SEC61B: variants seen among roughly 807,000 people sequenced by gnomAD.
SEC61B encodes the protein protein transport protein Sec61 subunit beta.
Under a neutral mutation model 12.6 loss-of-function variants are expected in SEC61B, and 7 were observed. The ratio of observed to expected loss-of-function variants is 0.55; its 90% CI spans 0.32 to 1.04. The LOEUF (loss-of-function observed/expected upper bound fraction) is 1.04. SEC61B is among the 50% of genes least tolerant of loss of function. The pLI, the probability that SEC61B is intolerant of heterozygous loss-of-function variation, is 0.05. For synonymous variants in SEC61B, 54 were observed against 50.1 expected, an observed-to-expected ratio of 1.08 and a Z score of -0.33; for missense variants, 107 against 130.1, an observed-to-expected ratio of 0.82 and a Z score of 0.86.
chr9:99,223,625 C>G (rs1828863312), intron 2 of SEC61B, among the ~76,000 whole-genome samples: 1 of 151,298 alleles, frequency 6.6e-6, no homozygotes, highest in African/African-American at 2.4e-5. Context: ...GATCTCCTGA[C>G]CTTGTGATCC....
At chr9:99,229,420 G>A (rs1828934833) in intron 3 of SEC61B, among the ~76,000 whole-genome samples, 1 of 152,052 alleles carries the variant, frequency 6.6e-6, no homozygotes, top group East Asian at 1.9e-4. Context: ...GAATTCCTGG[G>A]CTCAAGTGAT....
At chr9:99,228,418 G>A (rs1001401332) in intron 3 of SEC61B, among the ~76,000 whole-genome samples, 8 of 152,196 alleles carry the variant, frequency 5.3e-5, no homozygotes, top group African/African-American at 1.7e-4. Context: ...CAACCTGATG[G>A]AGGTTTTCCC....
intron 2 of SEC61B, among the ~76,000 whole-genome samples, chr9:99,225,456 T>TA (rs1380896222): frequency 1.3e-5 from 2 of 151,904 alleles, no homozygotes; most frequent in Non-Finnish European, 2.9e-5. Flanking sequence ...AAGGAGTGGG[T>TA]AAGTATGAAG....
At chr9:99,228,474 G>A (rs941302711) in intron 3 of SEC61B, among the ~76,000 whole-genome samples, 5 of 152,206 alleles carry the variant, frequency 3.3e-5, no homozygotes, top group Admixed American at 1.3e-4. Flanking sequence ...TGCCTTTGGT[G>A]GGTGGTGAGT....
At chr9:99,227,848 A>G (rs375035572) in intron 2 of SEC61B, 51 bp from the exon 3 acceptor site, 76 of 1,290,018 alleles carry the variant, frequency 5.9e-5, no homozygotes, top group Non-Finnish European at 8.2e-5. Context: ...TTATAATGCT[A>G]TTCTAATAAT....
chr9:99,230,204 C>A (rs1828943547), intron 3 of SEC61B, 133 bp from the exon 4 acceptor site: 2 of 529,290 alleles, frequency 3.8e-6, no homozygotes, highest in Admixed American at 6.7e-5. Flanking sequence ...TAAAATGATA[C>A]AAATAATGTT....
intron 2 of SEC61B, among the ~76,000 whole-genome samples, chr9:99,225,349 T>C (rs576526781): frequency 5.9e-5 from 9 of 152,216 alleles, no homozygotes; most frequent in African/African-American, 2.2e-4. Context: ...TTGTTTTAGA[T>C]AGGGTGTTCA....
At chr9:99,227,825 A>G (rs1828916660) in intron 2 of SEC61B, 74 bp from the exon 3 acceptor site, 1 of 1,044,272 alleles carries the variant, frequency 9.6e-7, no homozygotes, top group African/African-American at 1.6e-5. Context: ...CTGTGTAATA[A>G]TGGTAGCATA....
At chr9:99,224,214 C>T (rs1214149364) in intron 2 of SEC61B, among the ~76,000 whole-genome samples, 1 of 152,180 alleles carries the variant, frequency 6.6e-6, no homozygotes, top group East Asian at 1.9e-4. Flanking sequence ...AAATATTTCA[C>T]ATCAGAACAA....
intron 2 of SEC61B, chr9:99,223,026 C>T (rs1828850900): frequency 5.8e-6 from 1 of 172,888 alleles, no homozygotes; most frequent in African/African-American, 2.4e-5. Context: ...CAGCTCAGCT[C>T]TCTCACTCTC....
intron 3 of SEC61B, among the ~76,000 whole-genome samples, chr9:99,228,350 T>G (rs74702630): frequency 0.059 from 9,033 of 152,306 alleles, 321 homozygotes; most frequent in Non-Finnish European, 0.079. Flanking sequence ...AGTAATCATT[T>G]GAATAGGAAT....
intron 3 of SEC61B, among the ~76,000 whole-genome samples, chr9:99,229,881 T>C (rs142799126): frequency 2.0e-3 from 306 of 152,368 alleles, no homozygotes; most frequent in South Asian, 3.3e-3. Flanking sequence ...AATTAAATTA[T>C]TTTTTGCTAT....
intron 3 of SEC61B, among the ~76,000 whole-genome samples, chr9:99,228,436 T>C (rs563824420): frequency 6.6e-6 from 1 of 152,376 alleles, no homozygotes; most frequent in South Asian, 2.1e-4. Flanking sequence ...CCCATTAGGC[T>C]GTGTTACCAG....
intron 3 of SEC61B, among the ~76,000 whole-genome samples, chr9:99,229,593 C>T (rs1348509116): frequency 6.6e-6 from 1 of 152,158 alleles, no homozygotes; most frequent in African/African-American, 2.4e-5. Context: ...TCTCAAAGTG[C>T]TGGGATTATA....
At chr9:99,224,874 T>C (rs758772815) in intron 2 of SEC61B, among the ~76,000 whole-genome samples, 49 of 152,266 alleles carry the variant, frequency 3.2e-4, no homozygotes, top group Non-Finnish European at 6.6e-4. Context: ...ATGTTGTCTG[T>C]AGAGCTGCCT....
chr9:99,225,276 T>G (rs1268444763), intron 2 of SEC61B, among the ~76,000 whole-genome samples: 1 of 152,158 alleles, frequency 6.6e-6, no homozygotes, highest in Non-Finnish European at 1.5e-5. Context: ...CAATAAGGGC[T>G]ATGAAGATAA....
At chr9:99,224,560 A>C (rs1260638721) in intron 2 of SEC61B, among the ~76,000 whole-genome samples, 2 of 152,256 alleles carry the variant, frequency 1.3e-5, no homozygotes, top group Non-Finnish European at 2.9e-5. Flanking sequence ...TTTAATAGTA[A>C]AAATGAAATA....
In SEC61B at chr9:99,222,531, T is replaced by C; in HGVS notation, c.4-15T>C. 1 of 1,599,400 alleles carries C rather than the reference T, an allele frequency of 6.3e-7. No individual in the cohort carries two copies. Among genetic ancestry groups the C allele is most frequent in the Non-Finnish European group, 8.5e-7 (1 of 1,172,160 alleles). On this transcript the variant is annotated splice_polypyrimidine_tract_variant and intron_variant, in intron 1 of 3. Transcript: ENST00000223641. ...TGCCGCGCTCACCCGTCTGTCTGCTTGTCTCCCTCTACAGCCTGGTCCGAC... is the reference window on the plus strand; with the variant it reads ...TGCCGCGCTCACCCGTCTGTCTGCTCGTCTCCCTCTACAGCCTGGTCCGAC...
At chr9:99,225,943 C>T (rs1306471197) in intron 2 of SEC61B, among the ~76,000 whole-genome samples, 1 of 152,168 alleles carries the variant, frequency 6.6e-6, no homozygotes, top group African/African-American at 2.4e-5. Context: ...AGCTTAAAAT[C>T]CTTTTCAATG....
Sources: gnomAD v4.1 joint callset for allele counts (sites outside exome capture counted in the v4.1 genomes callset) on GRCh38, gnomAD v4.1.1 for gene constraint, MANE v1.5 for transcripts, NCBI Gene and HGNC (gene_info 2026-07-23, HGNC 2026-07-21) for gene names.